NSUN7: variants seen among roughly 807,000 people sequenced by gnomAD.
NSUN7 encodes NOP2/Sun RNA methyltransferase family member 7, also known as protein NSUN7.
In NSUN7, 39 loss-of-function variants were observed where a neutral mutation model predicts 58.5. The ratio of observed to expected loss-of-function variants is 0.67; its 90% CI spans 0.52 to 0.87. NSUN7 has a LOEUF of 0.87. NSUN7 is among the 40% of genes least tolerant of loss of function. The probability of loss-of-function intolerance (pLI) is 0.00; values close to 1 mark genes in which losing one functional copy is unlikely to be tolerated. For synonymous variants in NSUN7, 278 were observed against 303.7 expected (o/e 0.92, Z 0.88); for missense variants, 765 against 844.1 (o/e 0.91, Z 1.16).
At chr4:40,803,288 T>C (rs1340857976) in intron 10 of NSUN7, among the ~76,000 whole-genome samples, 2 of 152,206 alleles carry the variant, frequency 1.3e-5, no homozygotes, top group African/African-American at 4.8e-5. Flanking sequence ...TTATAGTCCT[T>C]TGGGTATATA....
At chr4:40,767,974 C>T (rs1275396290) in intron 4 of NSUN7, among the ~76,000 whole-genome samples, 1 of 152,096 alleles carries the variant, frequency 6.6e-6, no homozygotes, top group Non-Finnish European at 1.5e-5. Context: ...TTTCTAAATT[C>T]CTGTGAGAGG....
At chr4:40,796,248 G>C (rs1743321795) in intron 9 of NSUN7, among the ~76,000 whole-genome samples, 1 of 152,176 alleles carries the variant, frequency 6.6e-6, no homozygotes, top group African/African-American at 2.4e-5. Context: ...CAGCTACTTG[G>C]GAGGCTGAGA....
chr4:40,776,299 G>T, intron 7 of NSUN7, 40 bp downstream of exon 7: 1 of 1,387,074 alleles, frequency 7.2e-7, no homozygotes. Context: ...TTATTGTTCT[G>T]CAAGATTTTA....
At chr4:40,784,101 A>G (rs1024293477) in intron 7 of NSUN7, among the ~76,000 whole-genome samples, 9 of 152,214 alleles carry the variant, frequency 5.9e-5, no homozygotes, top group African/African-American at 2.2e-4. Flanking sequence ...ATACCACTTC[A>G]AACCCACTAG....
chr4:40,803,943 TC>T (rs545290615), intron 10 of NSUN7, among the ~76,000 whole-genome samples: 227 of 152,268 alleles, frequency 1.5e-3, no homozygotes, highest in African/African-American at 5.3e-3. Context: ...CTACCTGTAG[TC>T]CTAGCTACTC....
Position 40,780,792 on chromosome 4 carries a change from CATATATAT to C in NSUN7, c.1036+4548_1036+4555del, listed in dbSNP as rs765088042. Among the ~76,000 whole-genome samples, 518 of 98,732 alleles carry C rather than the reference CATATATAT, an allele frequency of 5.2e-3. 3 individuals are homozygous for C. The highest frequency in any genetic ancestry group is 8.0e-3 in the Admixed American group (63 of 7,834). The allele number at this position is 98,732 out of a possible 152,430, so 64.8% of individuals were successfully genotyped here. A position where few individuals can be genotyped will look rare whatever the true frequency, so the allele number is the denominator to read the frequency against. ...ACACACACACACACACACACATACA[CATATATAT>C]ATATATATATATATTTTTTTTTTTT... On this transcript the variant is annotated intron_variant, in intron 7 of 11. Transcript: ENST00000381782.
chr4:40,786,663 T>C (rs1046239540), intron 7 of NSUN7: 251 of 1,583,028 alleles, frequency 1.6e-4, no homozygotes, highest in Non-Finnish European at 2.1e-4. Context: ...AACTACATGA[T>C]ATGATCATTA....
chr4:40,757,561 T>C (rs1286567061), intron 2 of NSUN7, among the ~76,000 whole-genome samples: 2 of 143,332 alleles, frequency 1.4e-5, no homozygotes, highest in African/African-American at 5.5e-5. Context: ...AAAAATTATA[T>C]ATATATATAA....
At chr4:40,785,518 G>C (rs2465552) in intron 7 of NSUN7, among the ~76,000 whole-genome samples, 123,151 of 152,030 alleles carry the variant, frequency 0.81, 50,198 homozygotes, top group African/African-American at 0.87. Flanking sequence ...TGCCACCATG[G>C]CCAGCTAATT....
chr4:40,761,040 C>A, intron 3 of NSUN7, 131 bp from the exon 4 acceptor site: 2 of 657,236 alleles, frequency 3.0e-6, no homozygotes, highest in Non-Finnish European at 4.9e-6. Flanking sequence ...CCTTCCCAAT[C>A]CAATCAGACT....
chr4:40,751,360 G>A (rs1353294350), intron 2 of NSUN7, among the ~76,000 whole-genome samples: 1 of 151,944 alleles, frequency 6.6e-6, no homozygotes, highest in African/African-American at 2.4e-5. Context: ...GGACCTCAAG[G>A]AATCCTCCCT....
intron 8 of NSUN7, among the ~76,000 whole-genome samples, chr4:40,792,296 T>C: frequency 6.6e-6 from 1 of 150,472 alleles, no homozygotes; most frequent in Non-Finnish European, 1.5e-5. Context: ...GAGGTGGAAA[T>C]CCAGAAAAAA....
At chr4:40,793,719 G>C (rs760730358) in intron 8 of NSUN7, among the ~76,000 whole-genome samples, 2 of 152,122 alleles carry the variant, frequency 1.3e-5, no homozygotes, top group African/African-American at 2.4e-5. Flanking sequence ...TAGACAAGTT[G>C]TTTAATGTAT....
chr4:40,801,239 T>A (rs1454797730), intron 10 of NSUN7, among the ~76,000 whole-genome samples: 1 of 152,212 alleles, frequency 6.6e-6, no homozygotes, highest in Admixed American at 6.5e-5. Flanking sequence ...GTAGTGACAG[T>A]TATACCTTTT....
intron 10 of NSUN7, among the ~76,000 whole-genome samples, chr4:40,802,578 C>G (rs1743632379): frequency 6.6e-6 from 1 of 152,076 alleles, no homozygotes; most frequent in Non-Finnish European, 1.5e-5. Context: ...ATTTTTACTG[C>G]TGATACAGCC....
intron 10 of NSUN7, among the ~76,000 whole-genome samples, chr4:40,802,783 CT>C (rs34373539): frequency 0.28 from 38,612 of 138,798 alleles, 5,437 homozygotes; most frequent in Non-Finnish European, 0.34. Context: ...GCATTCTATT[CT>C]TTTTTTTTTT....
At chr4:40,787,368 TA>T (rs1204652363) in intron 7 of NSUN7, among the ~76,000 whole-genome samples, 2 of 149,688 alleles carry the variant, frequency 1.3e-5, no homozygotes, top group South Asian at 2.1e-4. Context: ...TTTTAAAATG[TA>T]AAAAAAAGAA....
intron 2 of NSUN7, among the ~76,000 whole-genome samples, chr4:40,755,452 TA>T (rs879633425): frequency 6.6e-6 from 1 of 151,370 alleles, no homozygotes; most frequent in Non-Finnish European, 1.5e-5. Context: ...ACAACAAATT[TA>T]AAAAAAAATT....
At chr4:40,764,334 G>C (rs1484441337) in intron 4 of NSUN7, among the ~76,000 whole-genome samples, 1 of 148,962 alleles carries the variant, frequency 6.7e-6, no homozygotes, top group Non-Finnish European at 1.5e-5. Flanking sequence ...GCAGTGTTTG[G>C]TTTTTTGTCC....
Sources: gnomAD v4.1 joint callset for allele counts (sites outside exome capture counted in the v4.1 genomes callset) on GRCh38, gnomAD v4.1.1 for gene constraint, MANE v1.5 for transcripts, NCBI Gene and HGNC (gene_info 2026-07-23, HGNC 2026-07-21) for gene names.